ELP6: variants seen among roughly 807,000 people sequenced by gnomAD.
ELP6 encodes elongator acetyltransferase complex subunit 6.
A neutral mutation model predicts 28.1 loss-of-function variants in ELP6; 23 were observed. The ratio of observed to expected loss-of-function variants is 0.82; its 90% CI spans 0.59 to 1.16. The LOEUF is 1.16. ELP6 is among the 50% of genes most tolerant of loss of function. The probability of loss-of-function intolerance (pLI) is 0.00; values close to 1 mark genes in which losing one functional copy is unlikely to be tolerated. For missense variants in ELP6, 313 were observed against 334.6 expected (o/e 0.94, Z 0.50); for synonymous variants, 132 against 135.8 (o/e 0.97, Z 0.19).
At chr3:47,512,868 G>A (rs989475538) in intron 1 of ELP6, 7 of 984,304 alleles carry the variant, frequency 7.1e-6, no homozygotes, top group Non-Finnish European at 7.2e-6. Flanking sequence ...CTCTCCTCTC[G>A]GGCCTATTCT....
intron 1 of ELP6, chr3:47,513,268 A>C (rs2029942158): frequency 2.4e-5 from 32 of 1,322,202 alleles, no homozygotes; most frequent in Admixed American, 4.0e-5. Flanking sequence ...CTGGGATTAC[A>C]GGGGTGAGCC....
chr3:47,512,478 G>T (rs1159285278), intron 1 of ELP6: 1 of 374,364 alleles, frequency 2.7e-6, no homozygotes, highest in Non-Finnish European at 3.7e-6. Context: ...CTTGAACCCG[G>T]GAGGTGAGGT....
At chr3:47,510,701 C>A (rs1174761071) in intron 2 of ELP6, among the ~76,000 whole-genome samples, 2 of 152,206 alleles carry the variant, frequency 1.3e-5, no homozygotes, top group African/African-American at 4.8e-5. Flanking sequence ...CGCAGCTCAT[C>A]CTCCCACCTG....
chr3:47,501,163 C>T (rs1454995779), intron 5 of ELP6, among the ~76,000 whole-genome samples: 3 of 152,210 alleles, frequency 2.0e-5, no homozygotes, highest in Admixed American at 1.3e-4. Flanking sequence ...GTTCCCACTG[C>T]TGTATTTGAC....
Position 47,496,124 on chromosome 3 carries a change from A to G in ELP6, c.746T>C (p.Ile249Thr). 2 of 1,614,176 alleles carry G rather than the reference A, an allele frequency of 1.2e-6. No individual in the cohort carries two copies. The highest frequency in any genetic ancestry group is 1.7e-6 in the Non-Finnish European group (2 of 1,180,032). Reference sequence around the variant, plus strand: ...AAAAAAGGACACGCTTTTGTCCTGTATCTTATACTGGTAAGTGAAGCTCTG... The same window carrying G: ...AAAAAAGGACACGCTTTTGTCCTGTGTCTTATACTGGTAAGTGAAGCTCTG... ...RDQSFTYQYK[I>T]QDKSVSFFAK... Residue 249 changes from isoleucine (I) to threonine (T), a missense_variant, in exon 7 of 7, where the codon ATA becomes ACA. Transcript: ENST00000296149.
intron 4 of ELP6, chr3:47,503,161 G>A (rs1238613520): frequency 1.7e-6 from 2 of 1,146,550 alleles, no homozygotes; most frequent in Non-Finnish European, 2.2e-6. Context: ...GCCTTCAAAT[G>A]AGGAAACCCC....
At chr3:47,513,018 T>TC in intron 1 of ELP6, 1 of 965,170 alleles carries the variant, frequency 1.0e-6, no homozygotes, top group Non-Finnish European at 1.2e-6. Flanking sequence ...TGAGGTGGAG[T>TC]CCCGCTCTGT....
intron 3 of ELP6, among the ~76,000 whole-genome samples, chr3:47,508,765 CTTTTTTTTT>C (rs1218072845): frequency 7.6e-6 from 1 of 132,210 alleles, no homozygotes; most frequent in Admixed American, 7.6e-5. Context: ...TTTTTTTTTC[CTTTTTTTTT>C]TTTTTTTTGA....
chr3:47,496,276 G>A (rs1004749858), intron 6 of ELP6, 79 bp from the exon 7 acceptor site: 1 of 1,533,344 alleles, frequency 6.5e-7, no homozygotes, highest in Middle Eastern at 2.3e-4. Flanking sequence ...TACCTTCTCT[G>A]TGCCCTTCAG....
At chr3:47,507,372 A>C (rs1708870841) in intron 3 of ELP6, among the ~76,000 whole-genome samples, 1 of 151,802 alleles carries the variant, frequency 6.6e-6, no homozygotes, top group African/African-American at 2.4e-5. Context: ...AAAAAAAAAA[A>C]AAAAAAACAA....
chr3:47,513,355 C>T (rs888087686), intron 1 of ELP6, 182 bp downstream of exon 1: 1 of 1,407,664 alleles, frequency 7.1e-7, no homozygotes, highest in Non-Finnish European at 9.2e-7. Flanking sequence ...CCCAGAAGCC[C>T]ACTTTCGGCG....
At chr3:47,502,680 A>AT (rs2108091634) in intron 4 of ELP6, 1 of 437,868 alleles carries the variant, frequency 2.3e-6, no homozygotes, top group Non-Finnish European at 3.0e-6. Flanking sequence ...ACAAAAAAAA[A>AT]TTTTTTTAAA....
chr3:47,506,785 G>A (rs562902672), intron 3 of ELP6, among the ~76,000 whole-genome samples: 44 of 152,142 alleles, frequency 2.9e-4, no homozygotes, highest in Non-Finnish European at 4.1e-4. Flanking sequence ...CTCGGCTTGC[G>A]AGATGACAGG....
chr3:47,498,505 C>T (rs561512472), intron 5 of ELP6, 73 bp from the exon 6 acceptor site: 20 of 1,574,106 alleles, frequency 1.3e-5, no homozygotes, highest in African/African-American at 8.0e-5. Context: ...GCCAGCCTCT[C>T]GTTGCCTCCA....
intron 6 of ELP6, among the ~76,000 whole-genome samples, chr3:47,497,508 T>C (rs1708512794): frequency 6.6e-6 from 1 of 151,882 alleles, no homozygotes; most frequent in Non-Finnish European, 1.5e-5. Flanking sequence ...GGCTAATTTT[T>C]GTATTTCTAT....
intron 6 of ELP6, among the ~76,000 whole-genome samples, chr3:47,497,617 G>A (rs534375824): frequency 1.3e-5 from 2 of 151,382 alleles, no homozygotes; most frequent in South Asian, 4.2e-4. Flanking sequence ...GATTACAGGT[G>A]TGAGTCTCCA....
chr3:47,512,513 T>G, intron 1 of ELP6: 2 of 734,418 alleles, frequency 2.7e-6, no homozygotes, highest in Non-Finnish European at 3.3e-6. Flanking sequence ...ATCGCGCCAG[T>G]GCACTCCAGC....
chr3:47,513,216 T>C, intron 1 of ELP6: 4 of 1,174,318 alleles, frequency 3.4e-6, no homozygotes, highest in Non-Finnish European at 4.2e-6. Context: ...TGTCTCGAAC[T>C]CTTGACCTTA....
rs2030008273 is a variant in ELP6, at chr3:47,513,677, C to A, written c.-87G>T. On this transcript the variant is annotated 5_prime_UTR_variant, in exon 1 of 7. Coordinates refer to ENST00000296149, the MANE Select transcript of ELP6 (RefSeq NM_001031703.3). ...CTGGAGAGCAAAACACACCCGACAG[C>A]CCGGCTCGCGCAAGGAAGCGCGCAT... is the stretch of plus-strand genomic sequence containing the variant. The A allele has an allele frequency of 6.4e-7, 1 of 1,551,390 alleles. No individual in the cohort carries two copies. The highest frequency in any genetic ancestry group is 1.4e-5 in the African/African-American group (1 of 72,900).
Sources: allele counts gnomAD v4.1 joint callset (sites outside exome capture counted in the v4.1 genomes callset), GRCh38; gene constraint gnomAD v4.1.1; transcripts MANE v1.5; gene names NCBI Gene and HGNC (gene_info 2026-07-23, HGNC 2026-07-21).